Variants in OPN5 observed in about 807,000 individuals in gnomAD.
OPN5 encodes the protein opsin-5.
In OPN5, 18 loss-of-function variants were observed where a neutral mutation model predicts 41.7. The ratio of observed to expected loss-of-function variants is 0.43; its 90% confidence interval spans 0.30 to 0.64. The LOEUF (loss-of-function observed/expected upper bound fraction) is 0.64. Ranked by LOEUF, OPN5 falls within the 30% of genes least tolerant of loss-of-function variation. The probability of loss-of-function intolerance (pLI) is 0.13; values close to 1 mark genes in which losing one functional copy is unlikely to be tolerated. For missense variants in OPN5, 318 were observed against 434.5 expected, an observed-to-expected ratio of 0.73 and a Z score of 2.38; for synonymous variants, 178 against 164.3, an observed-to-expected ratio of 1.08 and a Z score of -0.64.
chr6:47,809,022 C>T (rs1489809310), intron 5 of OPN5, among the ~76,000 whole-genome samples: 3 of 152,182 alleles, frequency 2.0e-5, no homozygotes, highest in South Asian at 4.1e-4. Flanking sequence ...TACTGGGTTT[C>T]AAAATGTATC....
chr6:47,807,149 C>T (rs1192623975), intron 4 of OPN5, among the ~76,000 whole-genome samples: 1 of 152,178 alleles, frequency 6.6e-6, no homozygotes, highest in African/African-American at 2.4e-5. Flanking sequence ...AAGAGCGAAA[C>T]TTCATCTCAA....
At chr6:47,795,442 C>A (rs773340997) in exon 4 of OPN5, 1 of 1,613,954 alleles carries the variant, frequency 6.2e-7, no homozygotes, top group Non-Finnish European at 8.5e-7. Flanking sequence ...TTGCTCCCAA[C>A]GGCTGTGATC....
intron 5 of OPN5, 149 bp from the exon 6 acceptor site, chr6:47,811,525 A>G (rs1190726630): frequency 2.3e-6 from 1 of 432,220 alleles, no homozygotes; most frequent in African/African-American, 2.0e-5. Context: ...AAATTGAATT[A>G]TTATTTTCTG....
intron 6 of OPN5, among the ~76,000 whole-genome samples, chr6:47,814,036 A>G (rs1762352020): frequency 6.6e-6 from 1 of 152,186 alleles, no homozygotes; most frequent in South Asian, 2.1e-4. Context: ...TATATAGATT[A>G]TATCATTATA....
At chr6:47,796,947 G>A (rs1831231) in intron 4 of OPN5, among the ~76,000 whole-genome samples, 22,382 of 152,214 alleles carry the variant, frequency 0.15, 1,764 homozygotes, top group Middle Eastern at 0.17. Flanking sequence ...CAAATGAAGA[G>A]CAAAGTCATG....
At chr6:47,786,692 A>T in intron 2 of OPN5, 58 bp downstream of exon 2, 2 of 1,504,444 alleles carry the variant, frequency 1.3e-6, no homozygotes, top group Non-Finnish European at 1.8e-6. Flanking sequence ...ATTCTAAAGT[A>T]CTCACTGTCT....
At chr6:47,822,083 G>A (rs1330513039) in intron 6 of OPN5, among the ~76,000 whole-genome samples, 3 of 147,502 alleles carry the variant, frequency 2.0e-5, no homozygotes, top group African/African-American at 7.6e-5. Flanking sequence ...CTGCCCTCCA[G>A]CCTGGGTGAC....
At chr6:47,806,052 G>A (rs1294704508) in intron 4 of OPN5, among the ~76,000 whole-genome samples, 1 of 151,846 alleles carries the variant, frequency 6.6e-6, no homozygotes, top group South Asian at 2.1e-4. Flanking sequence ...TCAGACTTGG[G>A]TCATGTGATG....
At chr6:47,809,386 T>G (rs1774103838) in intron 5 of OPN5, among the ~76,000 whole-genome samples, 1 of 152,142 alleles carries the variant, frequency 6.6e-6, no homozygotes, top group African/African-American at 2.4e-5. Context: ...TCATTGTGCC[T>G]GAGCAAGTGA....
At chr6:47,784,043 A>C (rs1054221022) in intron 1 of OPN5, among the ~76,000 whole-genome samples, 14 of 152,188 alleles carry the variant, frequency 9.2e-5, no homozygotes, top group African/African-American at 3.4e-4. Flanking sequence ...TTGGAAGGAA[A>C]GTCCACAATC....
At chr6:47,795,588 T>C (rs375839015) in intron 4 of OPN5, 25 bp downstream of exon 4, 9 of 1,527,594 alleles carry the variant, frequency 5.9e-6, no homozygotes, top group Non-Finnish European at 7.2e-6. Context: ...ATTTTACACA[T>C]GTGTTTTCTG....
intron 6 of OPN5, among the ~76,000 whole-genome samples, chr6:47,818,854 T>C (rs1349494110): frequency 6.6e-6 from 1 of 151,794 alleles, no homozygotes; most frequent in African/African-American, 2.4e-5. Context: ...GCAACTGGAG[T>C]GTATTGAGGC....
At chr6:47,789,403 G>C (rs577293530) in intron 2 of OPN5, among the ~76,000 whole-genome samples, 4 of 148,442 alleles carry the variant, frequency 2.7e-5, no homozygotes, top group African/African-American at 1.0e-4. Context: ...TACAAATTTA[G>C]GTGTTTTTTT....
chr6:47,807,508 G>A (rs975398222), intron 4 of OPN5, among the ~76,000 whole-genome samples: 1 of 152,132 alleles, frequency 6.6e-6, no homozygotes, highest in Non-Finnish European at 1.5e-5. Context: ...AAAATAAAGA[G>A]GCTCCGAAGG....
At chr6:47,784,850 A>T (rs1773158840) in intron 1 of OPN5, among the ~76,000 whole-genome samples, 1 of 152,164 alleles carries the variant, frequency 6.6e-6, no homozygotes, top group South Asian at 2.1e-4. Flanking sequence ...GGATTTGATA[A>T]TCTAAAAGTG....
chr6:47,792,975 G>C (rs530433278), intron 3 of OPN5, among the ~76,000 whole-genome samples: 1 of 123,026 alleles, frequency 8.1e-6, no homozygotes, highest in African/African-American at 2.9e-5. Flanking sequence ...TCATCATCCA[G>C]CACTACGTTT....
At chr6:47,811,773 A>G (rs1372456997) in intron 6 of OPN5, 42 bp downstream of exon 6, 1 of 1,326,212 alleles carries the variant, frequency 7.5e-7, no homozygotes, top group African/African-American at 1.4e-5. Context: ...ACTCGTATTC[A>G]CTTATTTGCC....
intron 6 of OPN5, among the ~76,000 whole-genome samples, chr6:47,819,399 T>TATATATATATATATATATATATATATAA (rs1484297411): frequency 7.8e-6 from 1 of 128,648 alleles, no homozygotes; most frequent in African/African-American, 2.8e-5. Flanking sequence ...TATATATATA[T>TATATATATATATATATATATATATATAA]AAAACAGTAT....
At chr6:47,821,347 G>T (rs555593885) in intron 6 of OPN5, among the ~76,000 whole-genome samples, 40 of 152,354 alleles carry the variant, frequency 2.6e-4, no homozygotes, top group Non-Finnish European at 5.1e-4. Context: ...ACATGGGTGT[G>T]GGAGGGGATG....
Sources: gnomAD v4.1 joint callset for allele counts (sites outside exome capture counted in the v4.1 genomes callset) on GRCh38, gnomAD v4.1.1 for gene constraint, MANE v1.5 for transcripts, NCBI Gene and HGNC (gene_info 2026-07-23, HGNC 2026-07-21) for gene names.